The following KATNA1 variants were observed in gnomAD, a reference collection of about 807,000 sequenced individuals.
KATNA1 encodes katanin p60 ATPase-containing subunit A1.
A neutral mutation model predicts 62.6 loss-of-function variants in KATNA1; 42 were observed. The ratio of observed to expected loss-of-function variants is 0.67; its 90% CI spans 0.52 to 0.87. The LOEUF is 0.87. Among genes scored for constraint, KATNA1 ranks in the 40% least tolerant of loss-of-function variants. The probability of loss-of-function intolerance (pLI) is 0.00; values close to 1 mark genes in which losing one functional copy is unlikely to be tolerated. For missense variants in KATNA1, 498 were observed against 612.5 expected, an observed-to-expected ratio of 0.81 and a Z score of 1.97; for synonymous variants, 186 against 201.9, an observed-to-expected ratio of 0.92 and a Z score of 0.67.
chr6:149,621,546 G>A (rs1003837609), intron 4 of KATNA1, among the ~76,000 whole-genome samples: 5 of 150,410 alleles, frequency 3.3e-5, no homozygotes, highest in Non-Finnish European at 7.4e-5. Flanking sequence ...AGGCTAGACT[G>A]CAGTGGTGTG....
At chr6:149,615,685 T>C (rs914245223) in intron 4 of KATNA1, among the ~76,000 whole-genome samples, 1 of 151,970 alleles carries the variant, frequency 6.6e-6, no homozygotes, top group South Asian at 2.1e-4. Flanking sequence ...GGAGGCTGGG[T>C]AGGGGCGCGG....
intron 2 of KATNA1, among the ~76,000 whole-genome samples, chr6:149,634,228 G>A (rs9505827): frequency 2.3e-3 from 333 of 146,984 alleles, no homozygotes; most frequent in African/African-American, 7.6e-3. Flanking sequence ...AGCCGAGATC[G>A]CACCATTGCA....
At chr6:149,608,746 A>C (rs1423588806) in intron 4 of KATNA1, among the ~76,000 whole-genome samples, 1 of 152,108 alleles carries the variant, frequency 6.6e-6, no homozygotes, top group Non-Finnish European at 1.5e-5. Flanking sequence ...GGGAACCTAG[A>C]CTTCCACTCC....
chr6:149,604,865 C>T (rs547008548), intron 4 of KATNA1, 83 bp from the exon 5 acceptor site: 57 of 1,370,170 alleles, frequency 4.2e-5, no homozygotes, highest in Non-Finnish European at 5.2e-5. Flanking sequence ...ACTCAAGTGA[C>T]GTCCTTTAAA....
In KATNA1 at chr6:149,626,602, A is replaced by G. The variant is rs936373171; in HGVS notation, c.321-3319T>C. Among the ~76,000 whole-genome samples the G allele has an allele frequency of 4.0e-5, 6 of 151,706 alleles. 1 individual carries two copies. Among genetic ancestry groups the G allele is most frequent in the African/African-American group, 1.5e-4 (6 of 41,180 alleles). On this transcript the variant is annotated intron_variant, in intron 3 of 10. Coordinates refer to ENST00000367411, the MANE Select transcript of KATNA1 (RefSeq NM_007044.4). Reference sequence around the variant, plus strand: ...CGGCCAACATTTACTTTTACATACAATGTTACATATAACATTGTATTAGGT... The same window carrying G: ...CGGCCAACATTTACTTTTACATACAGTGTTACATATAACATTGTATTAGGT...
At chr6:149,627,162 G>T (rs1779644512) in intron 3 of KATNA1, among the ~76,000 whole-genome samples, 1 of 151,472 alleles carries the variant, frequency 6.6e-6, no homozygotes, top group South Asian at 2.1e-4. Flanking sequence ...TGAGGCTGAG[G>T]CAGGTGGATC....
At chr6:149,638,593 G>A (rs1780155867) in intron 1 of KATNA1, 33 bp from the exon 2 acceptor site, 2 of 1,446,282 alleles carry the variant, frequency 1.4e-6, no homozygotes, top group African/African-American at 1.4e-5. Context: ...AAACACTTTA[G>A]GTTTACATGT....
intron 1 of KATNA1, among the ~76,000 whole-genome samples, chr6:149,639,829 G>A (rs1201908665): frequency 6.6e-6 from 1 of 152,066 alleles, no homozygotes. Flanking sequence ...TTCTATATAT[G>A]TCTTATCTCT....
intron 4 of KATNA1, among the ~76,000 whole-genome samples, chr6:149,612,073 C>T (rs979202169): frequency 6.6e-6 from 1 of 152,234 alleles, no homozygotes; most frequent in South Asian, 2.1e-4. Flanking sequence ...ATTAAATGGA[C>T]TAATTCTTTG....
At chr6:149,616,481 C>T (rs1284164816) in intron 4 of KATNA1, among the ~76,000 whole-genome samples, 4 of 152,130 alleles carry the variant, frequency 2.6e-5, no homozygotes, top group African/African-American at 9.7e-5. Flanking sequence ...AAAATGAGGC[C>T]GGATGCAGTG....
intron 4 of KATNA1, among the ~76,000 whole-genome samples, chr6:149,620,215 T>C (rs1779343426): frequency 6.6e-6 from 1 of 152,156 alleles, no homozygotes; most frequent in African/African-American, 2.4e-5. Context: ...GTATCAGACA[T>C]TGGTTAACAA....
intron 1 of KATNA1, among the ~76,000 whole-genome samples, chr6:149,640,050 C>T (rs540750637): frequency 6.6e-6 from 1 of 152,246 alleles, no homozygotes; most frequent in East Asian, 1.9e-4. Flanking sequence ...AATCAAGTCC[C>T]TTAACTTTTT....
intron 9 of KATNA1, 112 bp from the exon 10 acceptor site, chr6:149,597,301 A>G: frequency 7.8e-7 from 1 of 1,278,348 alleles, no homozygotes; most frequent in South Asian, 1.5e-5. Flanking sequence ...TTGGATCTCT[A>G]AGAAGAGATA....
chr6:149,645,600 T>G (rs1780456188), intron 1 of KATNA1, among the ~76,000 whole-genome samples: 1 of 152,150 alleles, frequency 6.6e-6, no homozygotes, highest in Admixed American at 6.5e-5. Flanking sequence ...TTACACAGAT[T>G]ATTAGAGAGA....
In KATNA1 at chr6:149,595,099, C is replaced by A; in HGVS notation, c.1413G>T (p.Lys471Asn). 1 of 1,614,052 alleles carries A rather than the reference C, an allele frequency of 6.2e-7. No homozygotes were observed. Among genetic ancestry groups the A allele is most frequent in the African/African-American group, 1.3e-5 (1 of 75,052 alleles). Residue 471 changes from lysine (K) to asparagine (N), a missense_variant, in exon 11 of 11, where the codon AAG becomes AAT. Around this residue, in one of 3 missense-constraint regions of KATNA1, gnomAD observed 267 missense variants for 372.6 expected, o/e 0.72. Coordinates refer to ENST00000367411, the MANE Select transcript of KATNA1 (RefSeq NM_007044.4). ...DFEMALKKVS[K>N]SVSAADIERY... ...TTTCAATGTCTGCAGCAGACACTGA[C>A]TTAGAAACCTTTTTTAAAGCCATCT...
chr6:149,621,466 T>A (rs901301417), intron 4 of KATNA1, among the ~76,000 whole-genome samples: 1 of 150,936 alleles, frequency 6.6e-6, no homozygotes, highest in Non-Finnish European at 1.5e-5. Context: ...AAAACCATCA[T>A]ACCAATGGTA....
At position 149,640,125 on chromosome 6, in the gene KATNA1, C is replaced by A. The variant is rs574037506; in HGVS notation, c.-13-1565G>T. On this transcript the variant is annotated intron_variant, in intron 1 of 10. Coordinates refer to ENST00000367411, the MANE Select transcript of KATNA1 (RefSeq NM_007044.4). The stretch of plus-strand genomic sequence containing the variant: ...CTACTTTCAGGAGTTACGCTATAAA[C>A]AATAAATGGCTATTTAAAGTACTAA... Among the ~76,000 whole-genome samples, 30 of 152,262 alleles carry A rather than the reference C, an allele frequency of 2.0e-4. 1 individual carries two copies. In the South Asian group the frequency reaches 6.2e-3, roughly 32 times the overall value.
intron 7 of KATNA1, among the ~76,000 whole-genome samples, chr6:149,598,755 A>C (rs574185397): frequency 6.2e-5 from 9 of 145,570 alleles, no homozygotes; most frequent in African/African-American, 2.3e-4. Context: ...GAAAACAACA[A>C]AACAGCTAAG....
intron 3 of KATNA1, among the ~76,000 whole-genome samples, chr6:149,628,166 C>T (rs954095979): frequency 2.2e-4 from 34 of 151,128 alleles, no homozygotes; most frequent in African/African-American, 7.1e-4. Flanking sequence ...GGCGCCATCT[C>T]GGCTCACTGC....
Sources: allele counts gnomAD v4.1 joint callset (sites outside exome capture counted in the v4.1 genomes callset), GRCh38; gene constraint gnomAD v4.1.1; regional missense constraint gnomAD v4.1.1; transcripts MANE v1.5; gene names NCBI Gene and HGNC (gene_info 2026-07-23, HGNC 2026-07-21).